Variants in CLSTN2 observed in about 807,000 individuals in gnomAD.
CLSTN2 encodes calsyntenin 2.
In CLSTN2, 48 loss-of-function variants were observed where a neutral mutation model predicts 101.2. The observed-to-expected ratio is 0.47, with a 90% CI of 0.38 to 0.60. The LOEUF is 0.60. Among genes scored for constraint, CLSTN2 ranks in the 20% least tolerant of loss-of-function variants. CLSTN2 has a pLI of 0.00. For missense variants in CLSTN2, 1,160 were observed against 1,238.2 expected, an observed-to-expected ratio of 0.94 and a Z score of 0.95; for synonymous variants, 481 against 463.6, an observed-to-expected ratio of 1.04 and a Z score of -0.48.
chr3:140,328,469 A>G (rs1037250891), intron 2 of CLSTN2, among the ~76,000 whole-genome samples: 1 of 152,180 alleles, frequency 6.6e-6, no homozygotes, highest in Non-Finnish European at 1.5e-5. Flanking sequence ...CTATCTTCCT[A>G]TGGTTCCCAC....
chr3:140,228,631 A>G (rs1559812568), intron 2 of CLSTN2, among the ~76,000 whole-genome samples: 1 of 152,202 alleles, frequency 6.6e-6, no homozygotes, highest in Non-Finnish European at 1.5e-5. Context: ...ATAAAGATAT[A>G]CCAGAGACTG....
At chr3:140,195,470 G>A (rs1451120644) in intron 2 of CLSTN2, among the ~76,000 whole-genome samples, 1 of 151,792 alleles carries the variant, frequency 6.6e-6, no homozygotes, top group African/African-American at 2.4e-5. Context: ...TATGTCCAGG[G>A]TTTTAGTTTT....
chr3:140,385,667 G>A (rs2088044201), intron 2 of CLSTN2, among the ~76,000 whole-genome samples: 1 of 152,128 alleles, frequency 6.6e-6, no homozygotes, highest in South Asian at 2.1e-4. Flanking sequence ...GTGAGCCACC[G>A]CGCCCGGCCC....
At chr3:139,950,210 G>A (rs988409567) in intron 1 of CLSTN2, among the ~76,000 whole-genome samples, 2 of 152,158 alleles carry the variant, frequency 1.3e-5, no homozygotes, top group East Asian at 3.9e-4. Context: ...AGGCTGGTTT[G>A]GTTCTGAGTG....
chr3:140,283,954 A>G (rs928084652), intron 2 of CLSTN2, among the ~76,000 whole-genome samples: 11 of 152,168 alleles, frequency 7.2e-5, no homozygotes, highest in African/African-American at 2.7e-4. Flanking sequence ...ACTTTGCTCT[A>G]ATTCTCTGTT....
chr3:140,513,583 CTTTTT>C (rs55778787), intron 8 of CLSTN2, among the ~76,000 whole-genome samples: 28 of 117,754 alleles, frequency 2.4e-4, no homozygotes, highest in African/African-American at 7.3e-4. Flanking sequence ...TTTTTTCTTT[CTTTTT>C]TTTTTTTTTT....
intron 1 of CLSTN2, among the ~76,000 whole-genome samples, chr3:140,066,184 G>C (rs1369035831): frequency 6.6e-6 from 1 of 152,188 alleles, no homozygotes; most frequent in Non-Finnish European, 1.5e-5. Flanking sequence ...CATAAATGCA[G>C]ACAGAATATT....
intron 4 of CLSTN2, among the ~76,000 whole-genome samples, chr3:140,416,047 C>T (rs2088428486): frequency 6.6e-6 from 1 of 152,106 alleles, no homozygotes; most frequent in South Asian, 2.1e-4. Context: ...GAAATCCTGC[C>T]GTTTGCAACA....
chr3:140,447,975 AC>A (rs1330684438), intron 5 of CLSTN2, among the ~76,000 whole-genome samples: 1 of 152,204 alleles, frequency 6.6e-6, no homozygotes, highest in Non-Finnish European at 1.5e-5. Flanking sequence ...ACACAAATTT[AC>A]CTATATAACA....
intron 1 of CLSTN2, among the ~76,000 whole-genome samples, chr3:140,100,842 C>A (rs1360733538): frequency 6.6e-6 from 1 of 152,206 alleles, no homozygotes; most frequent in Admixed American, 6.5e-5. Flanking sequence ...TTCATAATGG[C>A]TCCAATGCCC....
At chr3:140,146,064 C>T (rs1317342695) in intron 1 of CLSTN2, among the ~76,000 whole-genome samples, 2 of 152,252 alleles carry the variant, frequency 1.3e-5, no homozygotes, top group African/African-American at 2.4e-5. Context: ...TTTCCCAAGA[C>T]ATCCTGAGCC....
intron 1 of CLSTN2, among the ~76,000 whole-genome samples, chr3:140,075,903 A>G (rs2008479509): frequency 6.6e-6 from 1 of 151,476 alleles, no homozygotes; most frequent in African/African-American, 2.4e-5. Context: ...TGCAGTTCCT[A>G]TCTTGTGCTC....
chr3:140,444,430 C>CAAA (rs11391949), intron 5 of CLSTN2, among the ~76,000 whole-genome samples: 1 of 143,232 alleles, frequency 7.0e-6, no homozygotes, highest in Non-Finnish European at 1.5e-5. Flanking sequence ...AACTCCGTCT[C>CAAA]AAAAAAAAAA....
chr3:140,194,241 G>T (rs2010613004), intron 2 of CLSTN2, among the ~76,000 whole-genome samples: 1 of 152,044 alleles, frequency 6.6e-6, no homozygotes, highest in Non-Finnish European at 1.5e-5. Flanking sequence ...CCTGGTGAGG[G>T]CTCATCTCCT....
chr3:139,949,637 T>G (rs952154230), intron 1 of CLSTN2, among the ~76,000 whole-genome samples: 3 of 152,218 alleles, frequency 2.0e-5, no homozygotes, highest in Admixed American at 6.5e-5. Flanking sequence ...CCTTCCTGGA[T>G]AATTAATGTA....
chr3:140,288,699 C>G (rs2086921148), intron 2 of CLSTN2, among the ~76,000 whole-genome samples: 1 of 152,192 alleles, frequency 6.6e-6, no homozygotes, highest in African/African-American at 2.4e-5. Flanking sequence ...CTAATTATCT[C>G]TTATGATACT....
At chr3:140,519,208 T>G (rs1234554021) in intron 8 of CLSTN2, among the ~76,000 whole-genome samples, 1 of 152,258 alleles carries the variant, frequency 6.6e-6, no homozygotes, top group Non-Finnish European at 1.5e-5. Flanking sequence ...TTGCTATGAT[T>G]TCAGTTCTTT....
At chr3:140,139,224 T>C (rs939298535) in intron 1 of CLSTN2, among the ~76,000 whole-genome samples, 4 of 152,204 alleles carry the variant, frequency 2.6e-5, no homozygotes, top group Non-Finnish European at 5.9e-5. Flanking sequence ...CAGTCTCAGC[T>C]CAGTTCCTGG....
At chr3:140,237,132 A>C (rs1197426436) in intron 2 of CLSTN2, among the ~76,000 whole-genome samples, 1 of 152,064 alleles carries the variant, frequency 6.6e-6, no homozygotes, top group Non-Finnish European at 1.5e-5. Flanking sequence ...TCTTTGAAAT[A>C]ATTTGGTACT....
Sources: allele counts gnomAD v4.1 joint callset (sites outside exome capture counted in the v4.1 genomes callset), GRCh38; gene constraint gnomAD v4.1.1; transcripts MANE v1.5; gene names NCBI Gene and HGNC (gene_info 2026-07-23, HGNC 2026-07-21).